Variants in HPGDS observed in about 807,000 individuals in gnomAD.
HPGDS encodes the protein GST class-sigma.
HPGDS carries 26 observed loss-of-function variants against 23.1 expected under a neutral mutation model. The ratio of observed to expected loss-of-function variants is 1.13; its 90% confidence interval spans 0.83 to 1.56. The LOEUF (loss-of-function observed/expected upper bound fraction) is 1.56. HPGDS is among the 40% of genes most tolerant of loss of function. The pLI is 0.00. For synonymous variants in HPGDS, 95 were observed against 77.9 expected (o/e 1.22, Z -1.16); for missense variants, 268 against 236.4 (o/e 1.13, Z -0.88).
At chr4:94,321,573 T>C (rs1040697394) in intron 2 of HPGDS, among the ~76,000 whole-genome samples, 3 of 152,218 alleles carry the variant, frequency 2.0e-5, no homozygotes, top group Non-Finnish European at 4.4e-5. Flanking sequence ...TTGTCTGTTA[T>C]TGGTGTATAG....
At chr4:94,323,167 A>T (rs1248628332) in intron 2 of HPGDS, among the ~76,000 whole-genome samples, 1 of 152,098 alleles carries the variant, frequency 6.6e-6, no homozygotes, top group East Asian at 1.9e-4. Flanking sequence ...TTTGCTGAGG[A>T]GTGCTTTACT....
At chr4:94,309,000 C>A (rs1756199568) in intron 3 of HPGDS, among the ~76,000 whole-genome samples, 1 of 149,576 alleles carries the variant, frequency 6.7e-6, no homozygotes. Context: ...GCTTCCTCAT[C>A]CCATGTCCCC....
At chr4:94,315,692 A>G (rs1051427359) in intron 3 of HPGDS, among the ~76,000 whole-genome samples, 8 of 152,348 alleles carry the variant, frequency 5.3e-5, no homozygotes, top group Non-Finnish European at 8.8e-5. Context: ...TTATACCTCA[A>G]TAAAGGTGTT....
intron 2 of HPGDS, among the ~76,000 whole-genome samples, chr4:94,319,087 G>T (rs1337296394): frequency 6.6e-6 from 1 of 152,126 alleles, no homozygotes; most frequent in African/African-American, 2.4e-5. Flanking sequence ...ATGTTTCTTT[G>T]TTGGTTTTCT....
At chr4:94,322,640 G>A (rs1756539233) in intron 2 of HPGDS, among the ~76,000 whole-genome samples, 1 of 152,022 alleles carries the variant, frequency 6.6e-6, no homozygotes, top group South Asian at 2.1e-4. Context: ...GCATCTATTT[G>A]ATTCTTCTCT....
intron 2 of HPGDS, among the ~76,000 whole-genome samples, chr4:94,329,220 A>G (rs1756691375): frequency 6.6e-6 from 1 of 152,166 alleles, no homozygotes; most frequent in African/African-American, 2.4e-5. Flanking sequence ...AACCTTATGA[A>G]GTAGGTGATA....
Position 94,317,856 on chromosome 4 carries a change from C to A in HPGDS, c.226+17G>T. On this transcript the variant is annotated intron_variant, in intron 3 of 5. Transcript: ENST00000295256. ...TGTTTCAGTTATCAAAAATCTTAAG[C>A]ACAATAAACATGTTACCTGTGTTTT... is the stretch of plus-strand genomic sequence containing the variant. 6.8e-7 allele frequency: 1 copy of A among 1,463,102 alleles called. No homozygotes were observed. The highest frequency in any genetic ancestry group is 9.5e-7 in the Non-Finnish European group (1 of 1,047,250). The allele number at this position is 1,463,102 out of a possible 1,614,324, so 90.6% of individuals were successfully genotyped here.
intron 3 of HPGDS, among the ~76,000 whole-genome samples, chr4:94,314,685 A>G (rs184261938): frequency 1.5e-3 from 234 of 152,268 alleles, no homozygotes; most frequent in African/African-American, 5.3e-3. Context: ...GGGACATTTA[A>G]GTCTGCAGAG....
At chr4:94,306,987 C>G (rs1211010007) in intron 4 of HPGDS, among the ~76,000 whole-genome samples, 1 of 151,996 alleles carries the variant, frequency 6.6e-6, no homozygotes, top group East Asian at 1.9e-4. Context: ...CCAAGACTCA[C>G]CATTGCAAAA....
intron 1 of HPGDS, among the ~76,000 whole-genome samples, chr4:94,339,686 T>C (rs1375343387): frequency 6.6e-6 from 1 of 152,160 alleles, no homozygotes; most frequent in African/African-American, 2.4e-5. Context: ...TTCTTTCTCT[T>C]TCTTTCTTGT....
chr4:94,319,267 A>G (rs1756457033), intron 2 of HPGDS, among the ~76,000 whole-genome samples: 1 of 152,230 alleles, frequency 6.6e-6, no homozygotes, highest in Non-Finnish European at 1.5e-5. Context: ...TTATTATTAT[A>G]TAATGACTTT....
chr4:94,339,267 T>C (rs1162190734), intron 1 of HPGDS, among the ~76,000 whole-genome samples: 2 of 152,218 alleles, frequency 1.3e-5, no homozygotes, highest in Non-Finnish European at 2.9e-5. Flanking sequence ...CCACTGTCGT[T>C]GTGTTAAGAA....
At chr4:94,313,823 G>A (rs1257260496) in intron 3 of HPGDS, among the ~76,000 whole-genome samples, 8 of 152,126 alleles carry the variant, frequency 5.3e-5, no homozygotes, top group Admixed American at 3.3e-4. Flanking sequence ...ATTTCTTGGA[G>A]GCTTTGTTCA....
intron 3 of HPGDS, among the ~76,000 whole-genome samples, chr4:94,317,117 TATG>T (rs1258993675): frequency 0.011 from 1,611 of 152,302 alleles, 23 homozygotes; most frequent in African/African-American, 0.036. Flanking sequence ...TGTATGTGTC[TATG>T]GCTTGGATCA....
intron 5 of HPGDS, among the ~76,000 whole-genome samples, chr4:94,301,392 G>C (rs750859708): frequency 6.6e-6 from 1 of 152,112 alleles, no homozygotes; most frequent in South Asian, 2.1e-4. Flanking sequence ...TTTTTCTGGG[G>C]TTGGAAAGTG....
At chr4:94,327,175 G>C (rs546289776) in intron 2 of HPGDS, among the ~76,000 whole-genome samples, 32 of 152,100 alleles carry the variant, frequency 2.1e-4, no homozygotes, top group African/African-American at 6.0e-4. Flanking sequence ...GGCAGATCCA[G>C]CCCCCCAGAC....
chr4:94,310,494 A>G (rs908967593), intron 3 of HPGDS, among the ~76,000 whole-genome samples: 2 of 152,144 alleles, frequency 1.3e-5, no homozygotes, highest in African/African-American at 4.8e-5. Flanking sequence ...GTCTGCCTAT[A>G]TCTCTGTTTT....
intron 1 of HPGDS, 113 bp downstream of exon 1, chr4:94,342,682 T>C (rs1721197102): frequency 6.6e-6 from 1 of 152,106 alleles, no homozygotes; most frequent in Admixed American, 6.6e-5. Flanking sequence ...ATCATGAAAA[T>C]AGCTCACAAG....
intron 2 of HPGDS, among the ~76,000 whole-genome samples, chr4:94,322,923 C>A (rs1036615434): frequency 6.6e-6 from 1 of 152,212 alleles, no homozygotes; most frequent in African/African-American, 2.4e-5. Flanking sequence ...TCCCTGTACA[C>A]ACTGCTTTAA....
Sources: gnomAD v4.1 joint callset for allele counts (sites outside exome capture counted in the v4.1 genomes callset) on GRCh38, gnomAD v4.1.1 for gene constraint, MANE v1.5 for transcripts, NCBI Gene and HGNC (gene_info 2026-07-23, HGNC 2026-07-21) for gene names.